JRK: variants seen among roughly 807,000 people sequenced by gnomAD.
The protein encoded by JRK is Jrk helix-turn-helix protein.
For missense variants in JRK, 720 were observed against 509.2 expected (o/e 1.41, Z -3.98); for synonymous variants, 303 against 218.1 (o/e 1.39, Z -3.43).
rs1847071842 is a variant in JRK at position 142,665,214 on chromosome 8, T to C, written c.845A>G (p.His282Arg). ...TTCCGGCAAACCTATGGTTCTGAAG[T>C]GCTCTCTCACCGAGGGCACAAAGAT... ...HHIFVPSVRE[H>R]FRTIGLPEDS... Residue 282 changes from histidine (H) to arginine (R), a missense_variant, in exon 2 of 2, where the codon CAC becomes CGC. Physicochemically the swap from His to Arg is conservative, Grantham distance 29 (BLOSUM62 0). Coordinates refer to ENST00000612905, the MANE Select transcript of JRK (RefSeq NM_003724.4). 5.6e-6 allele frequency: 4 copies of C among 717,872 alleles called. No homozygotes were observed. The East Asian group carries it at 8.0e-5, about 14-fold the overall frequency. The allele number at this position is 717,872 out of a possible 1,614,324, so 44.5% of individuals were successfully genotyped here. A position where few individuals can be genotyped will look rare whatever the true frequency, so the allele number is the denominator to read the frequency against.
chr8:142,652,771 A>G (rs1383815258), downstream of JRK, among the ~76,000 whole-genome samples: 1 of 152,114 alleles, frequency 6.6e-6, no homozygotes, highest in Non-Finnish European at 1.5e-5. Context: ...ACAGAACAAG[A>G]AAAAAGAGAA....
At chr8:142,666,588 A>C in intron 1 of JRK, 68 bp from the exon 2 acceptor site, 6 of 200,166 alleles carry the variant, frequency 3.0e-5, no homozygotes, top group Non-Finnish European at 4.2e-5. Context: ...CGTCCTCACG[A>C]CTCTCCTCAC....
At chr8:142,656,577 G>A (rs945803397), downstream of JRK, among the ~76,000 whole-genome samples, 1 of 152,130 alleles carries the variant, frequency 6.6e-6, no homozygotes, top group Admixed American at 6.5e-5. Flanking sequence ...CTATATTTTT[G>A]GCATATATCT....
At chr8:142,644,167 T>C in the JRK span, among the ~76,000 whole-genome samples, 1 of 152,192 alleles carries the variant, frequency 6.6e-6, no homozygotes, top group Non-Finnish European at 1.5e-5. Context: ...AAAACTTGTA[T>C]GCAAGAACAG....
chr8:142,658,441 G>A lies in JRK; in HGVS notation c.*5911C>T, dbSNP rs72690908. 4.7e-4 allele frequency: 72 copies of A among 152,068 alleles called. 1 individual carries two copies. The highest frequency in any genetic ancestry group is 6.5e-3 in the Middle Eastern group (2 of 306). 9.4% of individuals were successfully genotyped at this position (152,068 alleles called of 1,614,324 possible). The stretch of plus-strand genomic sequence containing the variant: ...GTCTTATCATGCCTAGGCTGGTCTC[G>A]AACTCCTGGACTCATGCAATCCTAA... On this transcript the variant is annotated 3_prime_UTR_variant, in exon 2 of 2. Coordinates refer to ENST00000612905, the MANE Select transcript of JRK (RefSeq NM_003724.4).
At position 142,663,129 on chromosome 8, in the gene JRK, G is replaced by A; in HGVS notation, c.*1223C>T. On this transcript the variant is annotated 3_prime_UTR_variant, in exon 2 of 2. Transcript: ENST00000612905. ...GATCACACCACTTCACTCCAGCCTG[G>A]TCAACAGAGTGAGACCCTGCCTCAA... The A allele has an allele frequency of 2.0e-6, 2 of 977,694 alleles. No homozygotes were observed. Among genetic ancestry groups the A allele is most frequent in the Non-Finnish European group, 1.2e-6 (1 of 823,036 alleles). 60.6% of individuals were successfully genotyped at this position (977,694 alleles called of 1,614,324 possible).
At chr8:142,645,837 A>G in the JRK span, among the ~76,000 whole-genome samples, 1 of 152,216 alleles carries the variant, frequency 6.6e-6, no homozygotes, top group African/African-American at 2.4e-5. Context: ...TCTGTCTCAT[A>G]TAAAATTACT....
intron 1 of JRK, 40 bp downstream of exon 1, chr8:142,669,892 G>C (rs1210343469): frequency 3.3e-5 from 5 of 152,814 alleles, no homozygotes; most frequent in Non-Finnish European, 7.3e-5. Flanking sequence ...CATCCGGCCC[G>C]GCCCGGCCGC....
chr8:142,653,224 T>C (rs10099892), downstream of JRK, among the ~76,000 whole-genome samples: 83,586 of 152,034 alleles, frequency 0.55, 24,286 homozygotes, highest in Admixed American at 0.67. Flanking sequence ...GTAATACTAA[T>C]GAAAGGCCAC....
Position 142,662,208 on chromosome 8 carries a change from G to C in JRK, c.*2144C>G, listed in dbSNP as rs587662159. The C allele has an allele frequency of 2.0e-6, 2 of 985,568 alleles. No individual in the cohort carries two copies. Among genetic ancestry groups the C allele is most frequent in the Non-Finnish European group, 2.4e-6 (2 of 830,028 alleles). The allele number at this position is 985,568 out of a possible 1,614,324, so 61.1% of individuals were successfully genotyped here. Reference sequence around the variant, plus strand: ...GTCAGCACAAGAGCAGATCAAGAACGGGAAGAGCTCAGGTCCTGAAGAGCT... The same window carrying C: ...GTCAGCACAAGAGCAGATCAAGAACCGGAAGAGCTCAGGTCCTGAAGAGCT... On this transcript the variant is annotated 3_prime_UTR_variant, in exon 2 of 2. Transcript: ENST00000612905.
At chr8:142,655,533 G>A (rs1049221856), downstream of JRK, among the ~76,000 whole-genome samples, 10 of 152,194 alleles carry the variant, frequency 6.6e-5, no homozygotes, top group Admixed American at 3.3e-4. Flanking sequence ...CAAGAAAAGC[G>A]GGGAATCACA....
At chr8:142,648,888 C>A in the JRK span, among the ~76,000 whole-genome samples, 1 of 152,236 alleles carries the variant, frequency 6.6e-6, no homozygotes, top group Non-Finnish European at 1.5e-5. Context: ...CTGTACCCTG[C>A]AAAGCCACAA....
chr8:142,666,236 C>A lies in JRK; in HGVS notation c.-178G>T. ...TCCCTCTCGGGTTTCTCACTCCACA[C>A]GCTGCACCTCCTGCCTCAGGTATCC... On this transcript the variant is annotated 5_prime_UTR_variant, in exon 2 of 2. Coordinates refer to ENST00000612905, the MANE Select transcript of JRK (RefSeq NM_003724.4). The A allele has an allele frequency of 9.3e-7, 1 of 1,070,902 alleles. No individual in the cohort carries two copies. The highest frequency in any genetic ancestry group is 1.4e-6 in the Non-Finnish European group (1 of 732,778). The allele number at this position is 1,070,902 out of a possible 1,614,324, so 66.3% of individuals were successfully genotyped here.
the JRK span, among the ~76,000 whole-genome samples, chr8:142,650,488 C>T: frequency 6.6e-6 from 1 of 152,208 alleles, no homozygotes; most frequent in Non-Finnish European, 1.5e-5. Context: ...TGGAGGAACC[C>T]AGTGGGAGGT....
At chr8:142,652,379 T>C in the JRK span, among the ~76,000 whole-genome samples, 1 of 152,150 alleles carries the variant, frequency 6.6e-6, no homozygotes, top group Non-Finnish European at 1.5e-5. Context: ...TTTAGGGAGA[T>C]ATGAGACATC....
the JRK span, among the ~76,000 whole-genome samples, chr8:142,643,825 T>C: frequency 6.6e-6 from 1 of 152,224 alleles, no homozygotes; most frequent in African/African-American, 2.4e-5. Flanking sequence ...TTATTGTACT[T>C]ATGTAAATAA....
At chr8:142,649,691 C>T in the JRK span, among the ~76,000 whole-genome samples, 1 of 152,234 alleles carries the variant, frequency 6.6e-6, no homozygotes, top group Non-Finnish European at 1.5e-5. Flanking sequence ...GTTTGGGAAC[C>T]TCCACCTAGG....
At position 142,658,851 on chromosome 8, in the gene JRK, A is replaced by G. The variant is rs1554634093; in HGVS notation, c.*5501T>C. 1 of 1,612,432 alleles carries G rather than the reference A, an allele frequency of 6.2e-7. No homozygotes were observed. The highest frequency in any genetic ancestry group is 1.1e-5 in the South Asian group (1 of 90,578). Reference sequence around the variant, plus strand: ...CACTGCCATGTGGCAGAAGTTCTCCAACATTATGTCTCTGTAGAGGCCTCC... The same window carrying G: ...CACTGCCATGTGGCAGAAGTTCTCCGACATTATGTCTCTGTAGAGGCCTCC... On this transcript the variant is annotated 3_prime_UTR_variant, in exon 2 of 2. Transcript: ENST00000612905.
chr8:142,665,195 C>A lies in JRK; in HGVS notation c.864G>T (p.Leu288Phe), dbSNP rs587771346. The part of the protein sequence containing the change: ...SVREHFRTIG[L>F]PEDSKAVLLL... The stretch of plus-strand genomic sequence containing the variant: ...AGAGAACGGCTTTGCTGTCTTCCGG[C>A]AAACCTATGGTTCTGAAGTGCTCTC... The change falls in exon 2 of 2, where the codon TTG (leucine) becomes TTT (phenylalanine). Residue 288 changes from leucine to phenylalanine, a missense_variant. By Grantham distance (22) the Leu-to-Phe change is conservative (BLOSUM62 0). Coordinates refer to ENST00000612905, the MANE Select transcript of JRK (RefSeq NM_003724.4). The A allele has an allele frequency of 2.8e-6, 2 of 717,910 alleles. No individual in the cohort carries two copies. The highest frequency in any genetic ancestry group is 2.6e-6 in the Non-Finnish European group (1 of 385,098). The allele number at this position is 717,910 out of a possible 1,614,324, so 44.5% of individuals were successfully genotyped here.
Sources: allele counts gnomAD v4.1 joint callset (sites outside exome capture counted in the v4.1 genomes callset), GRCh38; gene constraint gnomAD v4.1.1; transcripts MANE v1.5; gene names NCBI Gene and HGNC (gene_info 2026-07-23, HGNC 2026-07-21).